ZNF438: variants seen among roughly 807,000 people sequenced by gnomAD.
ZNF438 encodes zinc finger protein 438.
In ZNF438, 25 loss-of-function variants were observed where a neutral mutation model predicts 38.0. The observed-to-expected ratio is 0.66, with a 90% CI of 0.48 to 0.92. The LOEUF (loss-of-function observed/expected upper bound fraction) is 0.92. Ranked by LOEUF, ZNF438 falls within the 40% of genes least tolerant of loss-of-function variation. The probability of loss-of-function intolerance (pLI) is 0.00; values close to 1 mark genes in which losing one functional copy is unlikely to be tolerated. For missense variants in ZNF438, 1,007 were observed against 999.6 expected (o/e 1.01, Z -0.10); for synonymous variants, 372 against 364.1 (o/e 1.02, Z -0.25).
intron 1 of ZNF438, among the ~76,000 whole-genome samples, chr10:30,974,052 T>C (rs893961161): frequency 6.6e-6 from 1 of 152,184 alleles, no homozygotes; most frequent in African/African-American, 2.4e-5. Context: ...AATGGCTGAT[T>C]GGTAGCACAC....
intron 3 of ZNF438, among the ~76,000 whole-genome samples, chr10:30,890,340 T>A (rs2040531337): frequency 6.6e-6 from 1 of 152,232 alleles, no homozygotes; most frequent in Non-Finnish European, 1.5e-5. Context: ...TATTTTTCCT[T>A]CATAGGTTTT....
chr10:30,947,659 G>C (rs149521814), intron 1 of ZNF438, among the ~76,000 whole-genome samples: 12,010 of 152,254 alleles, frequency 0.079, 539 homozygotes, highest in Non-Finnish European at 0.11. Context: ...TCAGACTGCT[G>C]TGCTAGCAAT....
chr10:30,856,554 C>T (rs971065838), intron 4 of ZNF438, among the ~76,000 whole-genome samples: 5 of 152,144 alleles, frequency 3.3e-5, no homozygotes, highest in Admixed American at 3.3e-4. Flanking sequence ...AGGCCTTTCA[C>T]AGATGGTGTG....
chr10:30,987,009 G>C (rs1397040586), intron 1 of ZNF438, among the ~76,000 whole-genome samples: 1 of 152,158 alleles, frequency 6.6e-6, no homozygotes, highest in Non-Finnish European at 1.5e-5. Flanking sequence ...GGACTTGGCT[G>C]TGGTTCACAT....
chr10:30,874,112 GTGTATATATATATATATATATATA>G (rs1564540966), intron 4 of ZNF438, among the ~76,000 whole-genome samples: 6 of 36,068 alleles, frequency 1.7e-4, no homozygotes, highest in African/African-American at 2.1e-4. Flanking sequence ...GGGTGTGTGT[GTGTATATATATATATATATATATA>G]TATATATATA....
At chr10:30,964,330 G>T (rs541985917) in intron 1 of ZNF438, among the ~76,000 whole-genome samples, 2 of 152,288 alleles carry the variant, frequency 1.3e-5, no homozygotes, top group Admixed American at 1.3e-4. Flanking sequence ...AAGTAAAAAT[G>T]ATTTCTCCTT....
In ZNF438 at chr10:30,947,118, A is replaced by G. The variant is rs116605747; in HGVS notation, c.-191-5467T>C. Among the ~76,000 whole-genome samples the G allele has an allele frequency of 1.7e-3, 256 of 152,324 alleles. 2 individuals carry two copies. The highest frequency in any genetic ancestry group is 5.4e-3 in the African/African-American group (226 of 41,580). ...CTGGTAGACAGTCCCAGATAAAACT[A>G]GGTTTTGGGTTATCTTTGCCAAAGT... On this transcript the variant is annotated intron_variant, in intron 1 of 5. Coordinates refer to ENST00000413025, the Ensembl canonical transcript of ZNF438.
chr10:31,002,249 A>G (rs2054731933), intron 1 of ZNF438, among the ~76,000 whole-genome samples: 1 of 152,228 alleles, frequency 6.6e-6, no homozygotes, highest in East Asian at 1.9e-4. Flanking sequence ...CGGTAAACAT[A>G]ATCCCACCTT....
chr10:30,912,517 T>A (rs964750528), intron 2 of ZNF438, among the ~76,000 whole-genome samples: 3 of 152,112 alleles, frequency 2.0e-5, no homozygotes, highest in Non-Finnish European at 4.4e-5. Context: ...TAAATAAAAA[T>A]GAACTTTTTT....
At chr10:30,848,199 A>C (rs568312479) in intron 5 of ZNF438, among the ~76,000 whole-genome samples, 5 of 152,324 alleles carry the variant, frequency 3.3e-5, no homozygotes, top group Non-Finnish European at 5.9e-5. Flanking sequence ...TGAGTCCCCA[A>C]CCATGGGTCA....
intron 1 of ZNF438, among the ~76,000 whole-genome samples, chr10:30,973,922 C>T (rs534532619): frequency 1.2e-4 from 19 of 152,354 alleles, no homozygotes; most frequent in Admixed American, 7.2e-4. Context: ...GCTCAACTTA[C>T]AACAGATAGC....
intron 2 of ZNF438, among the ~76,000 whole-genome samples, chr10:30,922,757 C>T (rs920070731): frequency 4.0e-5 from 6 of 151,800 alleles, no homozygotes; most frequent in Admixed American, 3.3e-4. Flanking sequence ...ATCACTTGAA[C>T]CAGAGAGGTG....
At chr10:30,938,063 T>A (rs2046432456) in intron 2 of ZNF438, among the ~76,000 whole-genome samples, 2 of 152,194 alleles carry the variant, frequency 1.3e-5, no homozygotes, top group Admixed American at 1.3e-4. Flanking sequence ...AGTTCTGGGC[T>A]AAGATCTAGG....
intron 1 of ZNF438, among the ~76,000 whole-genome samples, chr10:31,011,666 C>T (rs1247903490): frequency 6.6e-6 from 1 of 152,184 alleles, no homozygotes; most frequent in Non-Finnish European, 1.5e-5. Flanking sequence ...GATTCTCACT[C>T]AGAAGCACTC....
intron 1 of ZNF438, among the ~76,000 whole-genome samples, chr10:31,022,028 A>T (rs78788928): frequency 0.015 from 2,273 of 152,234 alleles, 46 homozygotes; most frequent in African/African-American, 0.051. Flanking sequence ...AAAATTTTTT[A>T]AAATTGTCAT....
intron 2 of ZNF438, among the ~76,000 whole-genome samples, chr10:30,928,139 C>T (rs2045184619): frequency 6.6e-6 from 1 of 152,080 alleles, no homozygotes; most frequent in South Asian, 2.1e-4. Flanking sequence ...CGGAACTCCA[C>T]CCACTTCAAA....
intron 1 of ZNF438, among the ~76,000 whole-genome samples, chr10:30,965,466 A>G (rs1429348766): frequency 6.6e-6 from 1 of 152,196 alleles, no homozygotes; most frequent in Non-Finnish European, 1.5e-5. Flanking sequence ...AACAAGACAC[A>G]TGAACTCCTA....
chr10:30,953,780 A>T (rs2135871377), intron 1 of ZNF438, among the ~76,000 whole-genome samples: 1 of 152,292 alleles, frequency 6.6e-6, no homozygotes, highest in South Asian at 2.1e-4. Flanking sequence ...TGAAAACCTT[A>T]TGGTGGATAG....
At chr10:30,943,731 A>G (rs1255304412) in intron 1 of ZNF438, among the ~76,000 whole-genome samples, 1 of 152,166 alleles carries the variant, frequency 6.6e-6, no homozygotes, top group Non-Finnish European at 1.5e-5. Context: ...TGAAAGAGTT[A>G]TAAGAAAAGG....
Sources: gnomAD v4.1 joint callset for allele counts (sites outside exome capture counted in the v4.1 genomes callset) on GRCh38, gnomAD v4.1.1 for gene constraint, MANE v1.5 for transcripts, NCBI Gene and HGNC (gene_info 2026-07-23, HGNC 2026-07-21) for gene names.